Variants in DIS3L2 observed in about 807,000 individuals in gnomAD.
DIS3L2 encodes DIS3-like exonuclease 2.
Under a neutral mutation model 97.5 loss-of-function variants are expected in DIS3L2, and 34 were observed. The observed-to-expected ratio is 0.35, with a 90% CI of 0.27 to 0.46. The LOEUF (loss-of-function observed/expected upper bound fraction) is 0.46, where lower values mean the gene tolerates loss of function less well. Among genes scored for constraint, DIS3L2 ranks in the 20% least tolerant of loss-of-function variants. The probability of loss-of-function intolerance (pLI) is 1.00; values close to 1 mark genes in which losing one functional copy is unlikely to be tolerated. For synonymous variants in DIS3L2, 435 were observed against 445.2 expected (o/e 0.98, Z 0.29); for missense variants, 1,038 against 1,146.0 (o/e 0.91, Z 1.36).
chr2:232,327,499 T>C (rs534215305), intron 14 of DIS3L2, among the ~76,000 whole-genome samples: 3 of 152,356 alleles, frequency 2.0e-5, no homozygotes, highest in South Asian at 4.1e-4. Context: ...AAAGTACGCA[T>C]GATTGTGTGC....
intron 3 of DIS3L2, chr2:232,015,893 G>A: frequency 2.5e-6 from 1 of 397,200 alleles, no homozygotes; most frequent in Admixed American, 3.9e-5. Flanking sequence ...CAGGAAAAGT[G>A]CTCTGAGATT....
At chr2:232,329,786 C>CCCCGGGGGCGG in intron 14 of DIS3L2, 27 bp from the exon 15 acceptor site, 1 of 430,236 alleles carries the variant, frequency 2.3e-6, no homozygotes, top group Non-Finnish European at 4.2e-6. Context: ...CCCCAGCGGT[C>CCCCGGGGGCGG]CCTCCCATCC....
At chr2:232,219,533 TG>T (rs1692436776) in intron 10 of DIS3L2, among the ~76,000 whole-genome samples, 1 of 152,214 alleles carries the variant, frequency 6.6e-6, no homozygotes, top group African/African-American at 2.4e-5. Context: ...TCTGTTTCTT[TG>T]GAATTGGGCA....
At chr2:232,130,779 A>C in intron 7 of DIS3L2, 60 bp downstream of exon 7, 1 of 1,597,320 alleles carries the variant, frequency 6.3e-7, no homozygotes, top group Non-Finnish European at 8.5e-7. Flanking sequence ...CTACTTGTTG[A>C]AGATCTCGTG....
chr2:232,339,148 A>G (rs1485998696), downstream of DIS3L2, among the ~76,000 whole-genome samples: 1 of 152,190 alleles, frequency 6.6e-6, no homozygotes, highest in African/African-American at 2.4e-5. Context: ...CCTCCTGGGG[A>G]GAGACTGACG....
intron 1 of DIS3L2, among the ~76,000 whole-genome samples, chr2:231,964,252 G>A (rs1692647092): frequency 6.6e-6 from 1 of 152,084 alleles, no homozygotes; most frequent in African/African-American, 2.4e-5. Flanking sequence ...TCATTTAATT[G>A]TACATCTTGA....
intron 1 of DIS3L2, among the ~76,000 whole-genome samples, chr2:232,000,321 T>C (rs73098541): frequency 0.047 from 7,134 of 152,260 alleles, 242 homozygotes; most frequent in African/African-American, 0.09. Flanking sequence ...CAATATATTG[T>C]TATTAACTCT....
chr2:232,309,216 T>C (rs932687081), intron 14 of DIS3L2, among the ~76,000 whole-genome samples: 10 of 141,954 alleles, frequency 7.0e-5, no homozygotes, highest in Middle Eastern at 3.3e-3. Flanking sequence ...GAGCATCCCC[T>C]TTGCCCACTA....
chr2:232,299,924 C>A, intron 13 of DIS3L2, 116 bp from the exon 14 acceptor site: 1 of 1,041,400 alleles, frequency 9.6e-7, no homozygotes, highest in Non-Finnish European at 1.4e-6. Flanking sequence ...AGGTTCTCCA[C>A]AACACATTGA....
At chr2:232,270,860 GTCTCTC>G (rs71056262) in intron 13 of DIS3L2, among the ~76,000 whole-genome samples, 7,372 of 103,576 alleles carry the variant, frequency 0.071, 457 homozygotes, top group Admixed American at 0.073. Flanking sequence ...TCTTTTTCTC[GTCTCTC>G]TCTCTCTCTC....
intron 10 of DIS3L2, among the ~76,000 whole-genome samples, chr2:232,218,821 A>G (rs970948884): frequency 1.3e-5 from 2 of 152,222 alleles, no homozygotes; most frequent in African/African-American, 2.4e-5. Context: ...CACAAGGACC[A>G]GATCATGTAG....
At chr2:232,095,406 T>C (rs1473784035) in intron 6 of DIS3L2, among the ~76,000 whole-genome samples, 2 of 152,216 alleles carry the variant, frequency 1.3e-5, no homozygotes, top group East Asian at 3.8e-4. Flanking sequence ...CTTACTGTTT[T>C]TATAAATAAA....
intron 3 of DIS3L2, among the ~76,000 whole-genome samples, chr2:232,022,549 G>A (rs1324618877): frequency 6.6e-6 from 1 of 151,990 alleles, no homozygotes; most frequent in Non-Finnish European, 1.5e-5. Flanking sequence ...CATTCTTTGA[G>A]CGACAAGGGA....
intron 5 of DIS3L2, among the ~76,000 whole-genome samples, chr2:232,086,650 T>TACAC (rs1696648693): frequency 2.1e-5 from 1 of 48,650 alleles, no homozygotes; most frequent in Non-Finnish European, 3.8e-5. Flanking sequence ...TATATGTATA[T>TACAC]ATATATATAT....
At chr2:232,164,281 T>C (rs1690739503) in intron 9 of DIS3L2, among the ~76,000 whole-genome samples, 1 of 152,224 alleles carries the variant, frequency 6.6e-6, no homozygotes, top group South Asian at 2.1e-4. Flanking sequence ...GTCTGGAATT[T>C]GTTGGAAAGT....
chr2:232,263,345 A>G lies in DIS3L2; in HGVS notation c.1564A>G (p.Ser522Gly), dbSNP rs199980393. ...GCCCCCCATTTCCCCAGAGCATAGCAGCGAGGAGGTACACCAGGCCGTCTT... is the reference window on the plus strand; with the variant it reads ...GCCCCCCATTTCCCCAGAGCATAGCGGCGAGGAGGTACACCAGGCCGTCTT... The part of the protein sequence containing the change: ...ELPPISPEHS[S>G]EEVHQAVLNL... The change falls in exon 13 of 21, where the codon AGC (serine) becomes GGC (glycine). Residue 522 changes from serine to glycine, a missense_variant. Coordinates refer to ENST00000325385, the MANE Select transcript of DIS3L2 (RefSeq NM_152383.5). The G allele has an allele frequency of 3.3e-5, 54 of 1,614,100 alleles. No individual in the cohort carries two copies. The highest frequency in any genetic ancestry group is 4.4e-5 in the Non-Finnish European group (52 of 1,180,044).
At chr2:232,105,407 A>G (rs1222268504) in intron 6 of DIS3L2, among the ~76,000 whole-genome samples, 1 of 152,232 alleles carries the variant, frequency 6.6e-6, no homozygotes, top group East Asian at 1.9e-4. Context: ...TTGATGTATT[A>G]TAGAAAATCT....
intron 6 of DIS3L2, among the ~76,000 whole-genome samples, chr2:232,094,635 C>T (rs1207156696): frequency 6.8e-6 from 1 of 147,116 alleles, no homozygotes; most frequent in Non-Finnish European, 1.5e-5. Context: ...GGGAGGATTG[C>T]TTGAACCTGG....
intron 10 of DIS3L2, among the ~76,000 whole-genome samples, chr2:232,237,382 G>C (rs1692961007): frequency 6.6e-6 from 1 of 152,180 alleles, no homozygotes; most frequent in African/African-American, 2.4e-5. Flanking sequence ...AAAGGAAAAA[G>C]AAAGTGGGTC....
Sources: gnomAD v4.1 joint callset for allele counts (sites outside exome capture counted in the v4.1 genomes callset) on GRCh38, gnomAD v4.1.1 for gene constraint, MANE v1.5 for transcripts, NCBI Gene and HGNC (gene_info 2026-07-23, HGNC 2026-07-21) for gene names.